Variants in HEPACAM2 observed in about 807,000 individuals in gnomAD.
HEPACAM2 encodes the protein HEPACAM family member 2, also known as mitotic kinetics regulator.
A neutral mutation model predicts 49.6 loss-of-function variants in HEPACAM2; 49 were observed. That is an observed-to-expected ratio of 0.99 (90% CI 0.78 to 1.25). The LOEUF is 1.25. Ranked by LOEUF, HEPACAM2 falls within the 50% of genes most tolerant of loss-of-function variation. The probability of loss-of-function intolerance (pLI) is 0.00; values close to 1 mark genes in which losing one functional copy is unlikely to be tolerated. For synonymous variants in HEPACAM2, 197 were observed against 202.9 expected (o/e 0.97, Z 0.25); for missense variants, 525 against 557.2 (o/e 0.94, Z 0.58).
chr7:93,191,054 C>T (rs1382873056), intron 9 of HEPACAM2, among the ~76,000 whole-genome samples: 2 of 151,966 alleles, frequency 1.3e-5, no homozygotes, highest in African/African-American at 4.8e-5. Context: ...AAAATTCTTT[C>T]AATGCCTTAT....
In HEPACAM2 at chr7:93,197,465, T is replaced by C; in HGVS notation, c.1138+20A>G. 1 of 1,581,286 alleles carries C rather than the reference T, an allele frequency of 6.3e-7. No individual in the cohort carries two copies. On this transcript the variant is annotated intron_variant, in intron 5 of 9. Transcript: ENST00000394468. ...ACACATATATACAGCTTCAATTTTT[T>C]TTTTGTAATTTTAACCTACCTTTGT...
chr7:93,207,776 G>A (rs951964873), intron 4 of HEPACAM2, among the ~76,000 whole-genome samples: 9 of 151,804 alleles, frequency 5.9e-5, no homozygotes, highest in African/African-American at 1.9e-4. Flanking sequence ...GGTGCTTCTG[G>A]CACTTCCAAG....
At chr7:93,201,359 T>C (rs1176937213) in intron 4 of HEPACAM2, among the ~76,000 whole-genome samples, 1 of 152,118 alleles carries the variant, frequency 6.6e-6, no homozygotes, top group African/African-American at 2.4e-5. Context: ...ATCTTATTAT[T>C]TTTTCTATAT....
rs757723703 is a variant in HEPACAM2 at position 93,215,437 on chromosome 7, C to A, written c.679G>T (p.Glu227Ter). The change falls in exon 3 of 10, where the codon GAA becomes TAA. Residue 227 changes from glutamate (E) to a stop codon, truncating the protein, a stop_gained. Transcript: ENST00000394468. LOFTEE classifies it high-confidence loss of function. ...YSCLVRNPVS[E>*]MESDIIMPII... ...GGCATAATGATATCACTTTCCATTT[C>A]ACTGACAGGGTTCCTCACCAGGCAG... The A allele has an allele frequency of 1.5e-5, 25 of 1,613,644 alleles. No individual in the cohort carries two copies. The East Asian group carries it at 5.6e-4, about 36-fold the overall frequency.
At chr7:93,196,250 T>C (rs1189909825) in intron 7 of HEPACAM2, among the ~76,000 whole-genome samples, 1 of 152,176 alleles carries the variant, frequency 6.6e-6, no homozygotes, top group Non-Finnish European at 1.5e-5. Context: ...CACCAGTTCT[T>C]GATCCACCCG....
chr7:93,193,397 T>A lies in HEPACAM2; in HGVS notation c.1276-1034A>T, dbSNP rs565462579. 1.1e-4 allele frequency among the ~76,000 whole-genome samples: 17 copies of A among 152,270 alleles called. 1 individual carries two copies. The highest frequency in any genetic ancestry group is 2.6e-4 in the Admixed American group (4 of 15,282). On this transcript the variant is annotated intron_variant, in intron 8 of 9. Transcript: ENST00000394468. ...TCTTGATATTTGTTGTATGAAGGTATTCAGGAGCTACGGTAAAAGCAATCT... is the reference window on the plus strand; with the variant it reads ...TCTTGATATTTGTTGTATGAAGGTAATCAGGAGCTACGGTAAAAGCAATCT...
chr7:93,228,864 G>GGT (rs61092223), upstream of HEPACAM2, among the ~76,000 whole-genome samples: 47,103 of 149,582 alleles, frequency 0.31, 8,703 homozygotes, highest in African/African-American at 0.51. Context: ...TGTGCAGGAG[G>GGT]GTGTGTGTGT....
At position 93,189,033 on chromosome 7, in the gene HEPACAM2, A is replaced by G; in HGVS notation, c.*234T>C. Reference sequence around the variant, plus strand: ...CCCGTCAGCATGAGAACGACTCTCCACTGAGGAATATTTCCCCAACATGTT... The same window carrying G: ...CCCGTCAGCATGAGAACGACTCTCCGCTGAGGAATATTTCCCCAACATGTT... On this transcript the variant is annotated 3_prime_UTR_variant, in exon 10 of 10. Transcript: ENST00000394468. 1 of 506,390 alleles carries G rather than the reference A, an allele frequency of 2.0e-6. No homozygotes were observed. Among genetic ancestry groups the G allele is most frequent in the Non-Finnish European group, 3.5e-6 (1 of 287,148 alleles). The allele number at this position is 506,390 out of a possible 1,614,324, so 31.4% of individuals were successfully genotyped here. A position where few individuals can be genotyped will look rare whatever the true frequency, so the allele number is the denominator to read the frequency against.
chr7:93,196,714 C>G (rs779465021), intron 7 of HEPACAM2, among the ~76,000 whole-genome samples: 8 of 152,128 alleles, frequency 5.3e-5, no homozygotes, highest in Non-Finnish European at 8.8e-5. Context: ...GATTTTGTGG[C>G]CTGAGCCAAA....
At chr7:93,225,146 T>C (rs78075760) in intron 1 of HEPACAM2, among the ~76,000 whole-genome samples, 3,968 of 152,214 alleles carry the variant, frequency 0.026, 185 homozygotes, top group African/African-American at 0.091. Flanking sequence ...AAAACAACAC[T>C]TATAAAATGA....
chr7:93,192,451 G>T, intron 8 of HEPACAM2, 88 bp from the exon 9 acceptor site: 1 of 913,784 alleles, frequency 1.1e-6, no homozygotes, highest in Non-Finnish European at 1.7e-6. Context: ...ACAACTGGCA[G>T]TAGTGATGAT....
chr7:93,227,177 GTGAACCA>G (rs1323757040), upstream of HEPACAM2, among the ~76,000 whole-genome samples: 3 of 152,198 alleles, frequency 2.0e-5, no homozygotes, highest in African/African-American at 7.2e-5. Flanking sequence ...CATAGAGGAA[GTGAACCA>G]ATGATCTAGA....
chr7:93,209,740 T>C (rs943302239), intron 3 of HEPACAM2, among the ~76,000 whole-genome samples: 1 of 152,006 alleles, frequency 6.6e-6, no homozygotes, highest in East Asian at 1.9e-4. Flanking sequence ...TGGCCACTAT[T>C]TTCTCTTTAA....
chr7:93,208,984 T>G lies in HEPACAM2; in HGVS notation c.716-108A>C, dbSNP rs1048419121. The G allele has an allele frequency of 7.7e-6, 7 of 906,610 alleles. No individual in the cohort carries two copies. The Admixed American group carries it at 1.4e-4, about 19-fold the overall frequency. 56.2% of individuals were successfully genotyped at this position (906,610 alleles called of 1,614,324 possible). ...TTACTGTTTTTGAAAATTTTCATCT[T>G]AGAATTGGACGAGCAGGTCCTTGCT... On this transcript the variant is annotated intron_variant, in intron 3 of 9. Coordinates refer to ENST00000394468, the MANE Select transcript of HEPACAM2 (RefSeq NM_001039372.4).
upstream of HEPACAM2, among the ~76,000 whole-genome samples, chr7:93,229,286 G>A (rs1408212110): frequency 2.6e-5 from 4 of 152,180 alleles, no homozygotes; most frequent in Non-Finnish European, 5.9e-5. Flanking sequence ...CTGCCTCGTG[G>A]AAGCCTTGAT....
chr7:93,215,711 G>A, intron 2 of HEPACAM2, 26 bp from the exon 3 acceptor site: 2 of 1,591,954 alleles, frequency 1.3e-6, no homozygotes, highest in East Asian at 2.3e-5. Flanking sequence ...AGATATGAAT[G>A]ATTTTTTCTT....
At chr7:93,231,855 G>A in the HEPACAM2 span, among the ~76,000 whole-genome samples, 1 of 152,140 alleles carries the variant, frequency 6.6e-6, no homozygotes, top group Non-Finnish European at 1.5e-5. Flanking sequence ...CTGGAGGGCC[G>A]CCTATTGGGC....
chr7:93,207,267 A>G (rs1023104005), intron 4 of HEPACAM2, among the ~76,000 whole-genome samples: 4 of 152,124 alleles, frequency 2.6e-5, no homozygotes, highest in Non-Finnish European at 5.9e-5. Flanking sequence ...GATATTAATG[A>G]GTAGTAGCTT....
intron 3 of HEPACAM2, among the ~76,000 whole-genome samples, chr7:93,212,731 T>C (rs1794206799): frequency 6.6e-6 from 1 of 152,030 alleles, no homozygotes; most frequent in Non-Finnish European, 1.5e-5. Context: ...TTCTTCTGAC[T>C]CTACTATGAT....
Sources: allele counts gnomAD v4.1 joint callset (sites outside exome capture counted in the v4.1 genomes callset), GRCh38; gene constraint gnomAD v4.1.1; transcripts MANE v1.5; gene names NCBI Gene and HGNC (gene_info 2026-07-23, HGNC 2026-07-21).